DPYD: variants seen among roughly 807,000 people sequenced by gnomAD.
The protein encoded by DPYD is dihydropyrimidine dehydrogenase [NADP(+)].
In DPYD, 109 loss-of-function variants were observed where a neutral mutation model predicts 116.2. The observed-to-expected ratio is 0.94, with a 90% CI of 0.80 to 1.10. The LOEUF is 1.10. DPYD is among the 50% of genes least tolerant of loss of function. The pLI is 0.00. For synonymous variants in DPYD, 440 were observed against 432.0 expected (o/e 1.02, Z -0.23); for missense variants, 1,302 against 1,254.5 (o/e 1.04, Z -0.57).
At chr1:97,559,197 A>T (rs1199390681) in intron 11 of DPYD, among the ~76,000 whole-genome samples, 2 of 152,184 alleles carry the variant, frequency 1.3e-5, no homozygotes, top group African/African-American at 4.8e-5. Flanking sequence ...ATGCTCAATT[A>T]TGTCATCAAA....
intron 20 of DPYD, among the ~76,000 whole-genome samples, chr1:97,144,592 T>C (rs1654472890): frequency 6.6e-6 from 1 of 152,168 alleles, no homozygotes; most frequent in African/African-American, 2.4e-5. Flanking sequence ...CTACAATAAA[T>C]AGATTAAAAT....
chr1:97,873,065 A>C (rs1030436044), intron 2 of DPYD, among the ~76,000 whole-genome samples: 2 of 151,768 alleles, frequency 1.3e-5, no homozygotes, highest in South Asian at 2.1e-4. Context: ...ACAGTACTTC[A>C]GCTGTAACTC....
At chr1:97,507,379 A>C (rs1647418761) in intron 13 of DPYD, among the ~76,000 whole-genome samples, 1 of 152,012 alleles carries the variant, frequency 6.6e-6, no homozygotes, top group South Asian at 2.1e-4. Context: ...TAAATAGAAA[A>C]TAATCATATA....
intron 18 of DPYD, among the ~76,000 whole-genome samples, chr1:97,278,392 C>G (rs548967590): frequency 1.3e-5 from 2 of 152,118 alleles, no homozygotes; most frequent in Non-Finnish European, 2.9e-5. Context: ...CAGTTCAGGG[C>G]AGAACAACCA....
At chr1:97,903,025 A>G (rs1461076757) in intron 1 of DPYD, among the ~76,000 whole-genome samples, 1 of 151,908 alleles carries the variant, frequency 6.6e-6, no homozygotes, top group Non-Finnish European at 1.5e-5. Context: ...AATTAAGGTT[A>G]CTGGGCTGGC....
chr1:97,131,765 C>T (rs560067535), intron 20 of DPYD, among the ~76,000 whole-genome samples: 2 of 152,150 alleles, frequency 1.3e-5, no homozygotes, highest in East Asian at 3.9e-4. Flanking sequence ...GAGTGCAATA[C>T]GCCAAGGCAT....
intron 2 of DPYD, among the ~76,000 whole-genome samples, chr1:97,859,491 T>C (rs1265236047): frequency 6.6e-6 from 1 of 152,166 alleles, no homozygotes; most frequent in African/African-American, 2.4e-5. Flanking sequence ...GGGAGAACGC[T>C]AAGTGAAAAT....
rs72728423 is a variant in DPYD, at chr1:97,373,888, T to C, written c.1975-244A>G. 6.6e-3 allele frequency among the ~76,000 whole-genome samples: 1,004 copies of C among 152,292 alleles called. 8 individuals carry two copies. The highest frequency in any genetic ancestry group is 0.011 in the Non-Finnish European group (722 of 68,016). ...TCATAAGGGGCCACTCACTGCTCTA[T>C]ATGTTTTATATTTGTTACCTCTAAT... is the stretch of plus-strand genomic sequence containing the variant. On this transcript the variant is annotated intron_variant, in intron 15 of 22. Coordinates refer to ENST00000370192, the MANE Select transcript of DPYD (RefSeq NM_000110.4).
At chr1:97,549,484 A>T (rs1466981995) in intron 12 of DPYD, 76 bp downstream of exon 12, 1 of 1,465,304 alleles carries the variant, frequency 6.8e-7, no homozygotes. Context: ...AAATGCTCTT[A>T]TAGATGAGTA....
chr1:97,912,237 C>A (rs758764193), intron 1 of DPYD, among the ~76,000 whole-genome samples: 22 of 152,000 alleles, frequency 1.4e-4, no homozygotes, highest in Non-Finnish European at 2.8e-4. Context: ...TATCATTGAG[C>A]CAACACTCTC....
At chr1:97,452,288 T>C (rs1570756085) in intron 13 of DPYD, among the ~76,000 whole-genome samples, 1 of 152,254 alleles carries the variant, frequency 6.6e-6, no homozygotes, top group East Asian at 1.9e-4. Context: ...TTGTCTATAT[T>C]CCTGACTGTA....
At chr1:97,920,767 CT>C in intron 1 of DPYD, 116 bp downstream of exon 1, 1 of 1,419,506 alleles carries the variant, frequency 7.0e-7, no homozygotes, top group South Asian at 1.2e-5. Flanking sequence ...ACGGGGGAAA[CT>C]TTCCCGCGTC....
intron 12 of DPYD, among the ~76,000 whole-genome samples, chr1:97,527,794 G>GAAAAAAAAA (rs35111926): frequency 8.9e-6 from 1 of 112,770 alleles, no homozygotes. Context: ...ATGAAATTTG[G>GAAAAAAAAA]AAAAAAAAAA....
chr1:97,911,036 A>G (rs1673906356), intron 1 of DPYD, among the ~76,000 whole-genome samples: 1 of 152,276 alleles, frequency 6.6e-6, no homozygotes, highest in East Asian at 1.9e-4. Flanking sequence ...AATACAAATT[A>G]AACGAATCAC....
intron 8 of DPYD, among the ~76,000 whole-genome samples, chr1:97,615,344 C>G (rs1159656707): frequency 1.3e-5 from 2 of 152,196 alleles, no homozygotes; most frequent in Non-Finnish European, 2.9e-5. Context: ...TCATAGAGCA[C>G]TTACTATGAG....
chr1:97,304,054 T>C (rs907093596), intron 18 of DPYD, among the ~76,000 whole-genome samples: 2 of 152,034 alleles, frequency 1.3e-5, no homozygotes, highest in East Asian at 1.9e-4. Flanking sequence ...AAAACATGAA[T>C]GGTGTTACTT....
intron 16 of DPYD, among the ~76,000 whole-genome samples, chr1:97,344,469 G>A (rs953722161): frequency 6.6e-6 from 1 of 151,648 alleles, no homozygotes; most frequent in African/African-American, 2.4e-5. Flanking sequence ...AGTAGTGTTG[G>A]TGTCTATTCT....
chr1:97,563,941 C>T (rs1422050194), intron 11 of DPYD, among the ~76,000 whole-genome samples: 1 of 152,108 alleles, frequency 6.6e-6, no homozygotes, highest in East Asian at 1.9e-4. Context: ...CCCTGCACAA[C>T]ATATTTCGTA....
chr1:97,444,513 G>A (rs1675967480), intron 14 of DPYD, among the ~76,000 whole-genome samples: 1 of 151,956 alleles, frequency 6.6e-6, no homozygotes, highest in Non-Finnish European at 1.5e-5. Context: ...AATAATATAG[G>A]TCAAGAGCCA....
Sources: allele counts gnomAD v4.1 joint callset (sites outside exome capture counted in the v4.1 genomes callset), GRCh38; gene constraint gnomAD v4.1.1; transcripts MANE v1.5; gene names NCBI Gene and HGNC (gene_info 2026-07-23, HGNC 2026-07-21).